TAFA4: variants seen among roughly 807,000 people sequenced by gnomAD.
TAFA4 encodes the protein chemokine-like protein TAFA-4.
In TAFA4, 20 loss-of-function variants were observed where a neutral mutation model predicts 21.1. The ratio of observed to expected loss-of-function variants is 0.95; its 90% CI spans 0.67 to 1.38. The LOEUF (loss-of-function observed/expected upper bound fraction) is 1.38, where lower values mean the gene tolerates loss of function less well. TAFA4 is among the 40% of genes most tolerant of loss of function. TAFA4 has a pLI of 0.00. For synonymous variants in TAFA4, 71 were observed against 67.4 expected, an observed-to-expected ratio of 1.05 and a Z score of -0.26; for missense variants, 211 against 180.9, an observed-to-expected ratio of 1.17 and a Z score of -0.95.
intron 3 of TAFA4, among the ~76,000 whole-genome samples, chr3:68,823,744 C>T (rs891347013): frequency 2.0e-5 from 3 of 152,176 alleles, no homozygotes; most frequent in Non-Finnish European, 4.4e-5. Context: ...AGGATAATGG[C>T]TTCCAGCTTC....
chr3:68,816,007 C>A (rs1381514580), intron 3 of TAFA4, among the ~76,000 whole-genome samples: 2 of 152,182 alleles, frequency 1.3e-5, no homozygotes, highest in Admixed American at 1.3e-4. Context: ...GCGTTCATGT[C>A]CTTTGTAGGG....
chr3:68,888,893 G>A (rs1228015486), intron 1 of TAFA4, among the ~76,000 whole-genome samples: 1 of 151,810 alleles, frequency 6.6e-6, no homozygotes, highest in Non-Finnish European at 1.5e-5. Context: ...CCATCACAAT[G>A]ACAATTAAAT....
chr3:68,870,268 T>G (rs1432209667), intron 3 of TAFA4, among the ~76,000 whole-genome samples: 1 of 152,076 alleles, frequency 6.6e-6, no homozygotes, highest in Non-Finnish European at 1.5e-5. Flanking sequence ...AAAATGTCAA[T>G]ACTACCCAAA....
chr3:68,744,753 G>C (rs1160693741), intron 4 of TAFA4, among the ~76,000 whole-genome samples: 2 of 152,036 alleles, frequency 1.3e-5, no homozygotes, highest in Non-Finnish European at 2.9e-5. Flanking sequence ...CTAGTGTTTA[G>C]GGATTTAAAT....
At chr3:68,814,826 A>T (rs1158380314) in intron 3 of TAFA4, among the ~76,000 whole-genome samples, 4 of 152,228 alleles carry the variant, frequency 2.6e-5, no homozygotes, top group Non-Finnish European at 5.9e-5. Context: ...TAAAGTTCAT[A>T]TGGAACCCAA....
intron 3 of TAFA4, among the ~76,000 whole-genome samples, chr3:68,812,440 C>G (rs1159400718): frequency 6.6e-6 from 1 of 152,108 alleles, no homozygotes; most frequent in Non-Finnish European, 1.5e-5. Context: ...ATCTCACACA[C>G]AGAGACACAT....
intron 3 of TAFA4, among the ~76,000 whole-genome samples, chr3:68,766,332 C>G (rs1702854302): frequency 6.6e-6 from 1 of 151,776 alleles, no homozygotes; most frequent in Non-Finnish European, 1.5e-5. Flanking sequence ...GGGAACAAGA[C>G]AAAGTTTCAT....
At chr3:68,762,423 G>T (rs1156275384) in intron 3 of TAFA4, among the ~76,000 whole-genome samples, 1 of 152,144 alleles carries the variant, frequency 6.6e-6, no homozygotes, top group African/African-American at 2.4e-5. Flanking sequence ...GTATGCTATG[G>T]GGGAAAATCT....
chr3:68,788,725 G>C (rs1353752278), intron 3 of TAFA4, among the ~76,000 whole-genome samples: 1 of 151,946 alleles, frequency 6.6e-6, no homozygotes, highest in Non-Finnish European at 1.5e-5. Flanking sequence ...CATGTTCCTA[G>C]TTCAGCTTCC....
At chr3:68,926,854 T>G (rs2090111887) in intron 1 of TAFA4, among the ~76,000 whole-genome samples, 1 of 152,112 alleles carries the variant, frequency 6.6e-6, no homozygotes, top group South Asian at 2.1e-4. Context: ...GAGGTTGCAG[T>G]GAGCCAAGAT....
rs965040851 is a variant in TAFA4 at position 68,805,726 on chromosome 3, G to A, written c.131-52708C>T. Among the ~76,000 whole-genome samples, 184 of 151,520 alleles carry A rather than the reference G, an allele frequency of 1.2e-3. 2 individuals are homozygous for A. Among genetic ancestry groups the A allele is most frequent in the African/African-American group, 4.4e-3 (182 of 41,286 alleles). On this transcript the variant is annotated intron_variant, in intron 3 of 5. Coordinates refer to ENST00000295569, the MANE Select transcript of TAFA4 (RefSeq NM_182522.5). ...AAGGACAAAAAACCAAACACCGCGT[G>A]TTCTCACTCATAGGTGGGAATTGAA...
At chr3:68,808,098 G>A (rs1283682722) in intron 3 of TAFA4, among the ~76,000 whole-genome samples, 2 of 152,086 alleles carry the variant, frequency 1.3e-5, no homozygotes, top group African/African-American at 4.8e-5. Flanking sequence ...AAAAAAATGG[G>A]GTGGGGTTTG....
intron 3 of TAFA4, among the ~76,000 whole-genome samples, chr3:68,796,524 C>T (rs1703456967): frequency 6.6e-6 from 1 of 151,994 alleles, no homozygotes; most frequent in Admixed American, 6.6e-5. Context: ...AAATGTAAGA[C>T]CTAAAACTAT....
At position 68,752,742 on chromosome 3, in the gene TAFA4, T is replaced by C. The variant is rs138231744; in HGVS notation, c.286+121A>G. 2.5e-4 allele frequency: 286 copies of C among 1,167,208 alleles called. No individual in the cohort carries two copies. In the African/African-American group the frequency reaches 4.0e-3, roughly 16 times the overall value. The allele number at this position is 1,167,208 out of a possible 1,614,324, so 72.3% of individuals were successfully genotyped here. A position where few individuals can be genotyped will look rare whatever the true frequency, so the allele number is the denominator to read the frequency against. ...AGTTGTATTTATGTACATTTTTGGA[T>C]TGACACTGATCTCAAAGCAACCCTA... On this transcript the variant is annotated intron_variant, in intron 4 of 5. Transcript: ENST00000295569.
At chr3:68,794,985 C>T (rs559953457) in intron 3 of TAFA4, among the ~76,000 whole-genome samples, 4 of 138,978 alleles carry the variant, frequency 2.9e-5, no homozygotes, top group Non-Finnish European at 6.2e-5. Context: ...GTTTTTGAAT[C>T]AGATTTGTGT....
rs568369278 is a variant in TAFA4 at position 68,750,413 on chromosome 3, T to C, written c.286+2450A>G. ...ATATGTACCAGCACACAAAGATTTC[T>C]GCAACCTAATACTGATAGGAATAAA... On this transcript the variant is annotated intron_variant, in intron 4 of 5. Transcript: ENST00000295569. Among the ~76,000 whole-genome samples, 4 of 152,346 alleles carry C rather than the reference T, an allele frequency of 2.6e-5. No individual in the cohort carries two copies. In the South Asian group the frequency reaches 8.3e-4, roughly 32 times the overall value.
chr3:68,783,729 G>GAAAGAAAGAAAGAAAA (rs1703196586), intron 3 of TAFA4, among the ~76,000 whole-genome samples: 1 of 146,560 alleles, frequency 6.8e-6, no homozygotes. Flanking sequence ...AAGAAAGAAA[G>GAAAGAAAGAAAGAAAA]AAAGAAAGAA....
In TAFA4 at chr3:68,895,190, G is replaced by A. The variant is rs569064965; in HGVS notation, c.-122-9880C>T. Among the ~76,000 whole-genome samples the A allele has an allele frequency of 4.6e-5, 7 of 152,232 alleles. No individual in the cohort carries two copies. The East Asian group carries it at 1.2e-3, about 25-fold the overall frequency. ...TTTTTGTATTTTTAGCAGAGATGGC[G>A]TTTCACCATGTTGGCCAAGCTGGTC... On this transcript the variant is annotated intron_variant, in intron 1 of 5. Transcript: ENST00000295569.
intron 1 of TAFA4, among the ~76,000 whole-genome samples, chr3:68,905,793 G>T (rs887344101): frequency 6.6e-6 from 1 of 152,168 alleles, no homozygotes; most frequent in Admixed American, 6.5e-5. Context: ...TGGTCAGGGG[G>T]TAAACGTACC....
Sources: allele counts gnomAD v4.1 joint callset (sites outside exome capture counted in the v4.1 genomes callset), GRCh38; gene constraint gnomAD v4.1.1; transcripts MANE v1.5; gene names NCBI Gene and HGNC (gene_info 2026-07-23, HGNC 2026-07-21).